Variants in EFTUD2 observed in about 807,000 individuals in gnomAD.
EFTUD2 encodes the protein 116 kDa U5 small nuclear ribonucleoprotein component.
Under a neutral mutation model 114.3 loss-of-function variants are expected in EFTUD2, and 9 were observed. That is an observed-to-expected ratio of 0.08 (90% CI 0.05 to 0.14). The LOEUF (loss-of-function observed/expected upper bound fraction) is 0.14, where lower values mean the gene tolerates loss of function less well. Among genes scored for constraint, EFTUD2 ranks in the 10% least tolerant of loss-of-function variants. EFTUD2 has a pLI of 1.00. For synonymous variants in EFTUD2, 449 were observed against 462.3 expected (o/e 0.97, Z 0.37); for missense variants, 765 against 1,241.2 (o/e 0.62, Z 5.76).
chr17:44,851,119 G>T lies in EFTUD2; in HGVS notation c.*155C>A. 1.5e-6 allele frequency: 1 copy of T among 661,536 alleles called. No individual in the cohort carries two copies. The highest frequency in any genetic ancestry group is 2.1e-5 in the Admixed American group (1 of 47,454). The allele number at this position is 661,536 out of a possible 1,614,324, so 41.0% of individuals were successfully genotyped here. A position where few individuals can be genotyped will look rare whatever the true frequency, so the allele number is the denominator to read the frequency against. On this transcript the variant is annotated 3_prime_UTR_variant, in exon 28 of 28. Coordinates refer to ENST00000426333, the MANE Select transcript of EFTUD2 (RefSeq NM_004247.4). ...GGCCAAATGCTCCTCTCTCACTGGG[G>T]CTCTGGGTTGGAGGTTGGTGAGTTG... is the stretch of plus-strand genomic sequence containing the variant.
At chr17:44,895,106 A>C (rs917088296) in intron 1 of EFTUD2, among the ~76,000 whole-genome samples, 2 of 151,606 alleles carry the variant, frequency 1.3e-5, no homozygotes, top group Non-Finnish European at 3.0e-5. Context: ...GCTTTTTCAC[A>C]TTTGTAAATT....
At chr17:44,851,962 G>T in intron 26 of EFTUD2, 145 bp from the exon 27 acceptor site, 1 of 768,284 alleles carries the variant, frequency 1.3e-6, no homozygotes, top group Non-Finnish European at 2.0e-6. Context: ...TTGTCTCCCA[G>T]GCTGGAGTAC....
chr17:44,858,581 C>T (rs1030664338), intron 19 of EFTUD2, among the ~76,000 whole-genome samples: 2 of 151,988 alleles, frequency 1.3e-5, no homozygotes, highest in Admixed American at 1.3e-4. Context: ...ACCTAAGCCC[C>T]CCAGTAGCTG....
Position 44,863,777 on chromosome 17 carries a change from C to T in EFTUD2, c.1291G>A (p.Val431Met). Residue 431 changes from valine (V) to methionine (M), a missense_variant, in exon 15 of 28, where the codon GTG becomes ATG. Around this residue, in one of 6 missense-constraint regions of EFTUD2, gnomAD observed 251 missense variants for 357.7 expected, o/e 0.70. Transcript: ENST00000426333. ...KKFFGEFTGF[V>M]DMCVQHIPSP... is the part of the protein sequence containing the mutation. The stretch of plus-strand genomic sequence containing the variant: ...GGGATATGCTGCACACACATGTCCA[C>T]AAAGCCTGTGGATGGAGAAGAGAAA... The T allele has an allele frequency of 6.2e-7, 1 of 1,613,950 alleles. No homozygotes were observed. The highest frequency in any genetic ancestry group is 8.5e-7 in the Non-Finnish European group (1 of 1,179,898).
chr17:44,886,667 C>A lies in EFTUD2; in HGVS notation c.189G>T (p.Lys63Asn), dbSNP rs746808128. ...CCTCCTCGGCTGTTGGGTAGTACTT[C>A]TTGTCCTCATGCAGCACCACCTCCA... is the stretch of plus-strand genomic sequence containing the variant. Reference protein sequence around the residue: ...PGMEVVLHEDKKYYPTAEEVY... With the variant: ...PGMEVVLHEDNKYYPTAEEVY... Residue 63 changes from lysine to asparagine, a missense_variant, in exon 3 of 28, where the codon AAG becomes AAT. Lys to Asn is a moderately conservative substitution (Grantham distance 94). Transcript: ENST00000426333. 1.9e-6 allele frequency: 3 copies of A among 1,614,188 alleles called. No individual in the cohort carries two copies. The Admixed American group carries it at 5.0e-5, about 27-fold the overall frequency.
At chr17:44,860,664 T>C (rs1315728919) in intron 16 of EFTUD2, 121 bp from the exon 17 acceptor site, 1 of 652,402 alleles carries the variant, frequency 1.5e-6, no homozygotes, top group East Asian at 2.8e-5. Context: ...AGTGGCACAA[T>C]CTTGGCTCAC....
chr17:44,894,547 GT>G (rs1436971803), intron 1 of EFTUD2, 22 bp from the exon 2 acceptor site: 1 of 1,579,284 alleles, frequency 6.3e-7, no homozygotes, highest in Non-Finnish European at 8.7e-7. Context: ...GGAGAGAAGA[GT>G]TAGATTCTGA....
intron 1 of EFTUD2, among the ~76,000 whole-genome samples, chr17:44,895,115 T>C (rs2051354134): frequency 6.7e-6 from 1 of 149,066 alleles, no homozygotes; most frequent in African/African-American, 2.4e-5. Flanking sequence ...CATTTGTAAA[T>C]TGCCAGGGAA....
chr17:44,896,907 A>G (rs1182264480), intron 1 of EFTUD2, among the ~76,000 whole-genome samples: 2 of 151,912 alleles, frequency 1.3e-5, no homozygotes, highest in African/African-American at 4.8e-5. Flanking sequence ...TAAATAAAAC[A>G]CCCTGTGTAA....
intron 13 of EFTUD2, 86 bp from the exon 14 acceptor site, chr17:44,865,151 C>G (rs1016699319): frequency 1.3e-6 from 2 of 1,542,518 alleles, no homozygotes; most frequent in Admixed American, 1.9e-5. Flanking sequence ...AAAGAAATAT[C>G]TGAAGAACTC....
intron 15 of EFTUD2, 182 bp downstream of exon 15, chr17:44,863,473 T>C (rs2050692964): frequency 4.1e-6 from 3 of 738,592 alleles, no homozygotes; most frequent in Non-Finnish European, 2.1e-6. Context: ...ATGTGAGTAA[T>C]GTTCCCAAGG....
intron 13 of EFTUD2, among the ~76,000 whole-genome samples, chr17:44,867,117 A>AT (rs2050760025): frequency 6.6e-6 from 1 of 152,112 alleles, no homozygotes; most frequent in African/African-American, 2.4e-5. Flanking sequence ...TAAAAATGCT[A>AT]TAATAAACAC....
rs776284894 is a variant in EFTUD2, at chr17:44,862,844, G to T, written c.1476C>A (p.Ala492=). 4 of 1,614,204 alleles carry T rather than the reference G, an allele frequency of 2.5e-6. No homozygotes were observed. In the Admixed American group the frequency reaches 5.0e-5, roughly 20 times the overall value. The change falls in exon 16 of 28, where the codon GCC becomes GCA. Residue 492 remains alanine (A), a synonymous_variant. Coordinates refer to ENST00000426333, the MANE Select transcript of EFTUD2 (RefSeq NM_004247.4). ...YSTDDGVQFH[A]FGRVLSGTIH... is the part of the protein sequence containing the mutation. The stretch of plus-strand genomic sequence containing the variant: ...TGGTGCCACTCAGCACCCGGCCAAA[G>T]GCGTGAAACTGGACTCCATCATCTG...
intron 6 of EFTUD2, 117 bp from the exon 7 acceptor site, chr17:44,881,839 A>T: frequency 1.1e-6 from 1 of 935,996 alleles, no homozygotes; most frequent in Non-Finnish European, 1.7e-6. Context: ...GATTAAAGAG[A>T]GAGAGAGAGC....
chr17:44,855,598 A>G (rs920114997), intron 20 of EFTUD2, among the ~76,000 whole-genome samples: 1 of 146,430 alleles, frequency 6.8e-6, no homozygotes, highest in African/African-American at 2.5e-5. Flanking sequence ...AAAACCCCAG[A>G]CAAACAAACA....
chr17:44,852,373 G>A, intron 26 of EFTUD2, 36 bp downstream of exon 26: 2 of 1,612,078 alleles, frequency 1.2e-6, no homozygotes, highest in South Asian at 1.1e-5. Context: ...TGCAGAGGTG[G>A]GAAGCCAAGT....
At chr17:44,884,316 C>T (rs1348893781) in intron 4 of EFTUD2, 1 of 152,172 alleles carries the variant, frequency 6.6e-6, no homozygotes, top group Non-Finnish European at 1.5e-5. Context: ...AGCCACCACA[C>T]CCAGCCAGGA....
At chr17:44,871,017 CA>C (rs200519792) in intron 11 of EFTUD2, among the ~76,000 whole-genome samples, 17 of 145,746 alleles carry the variant, frequency 1.2e-4, no homozygotes, top group Admixed American at 8.2e-4. Context: ...GATTATGTCT[CA>C]AAAAAAAAAG....
chr17:44,854,829 C>T lies in EFTUD2; in HGVS notation c.2132+89G>A. Reference sequence around the variant, plus strand: ...GCAAAGGCAAAGACATAAATGCTCCCCAGAAAGATGTGTGCTCTTAGAGAC... The same window carrying T: ...GCAAAGGCAAAGACATAAATGCTCCTCAGAAAGATGTGTGCTCTTAGAGAC... On this transcript the variant is annotated intron_variant, in intron 21 of 27. Coordinates refer to ENST00000426333, the MANE Select transcript of EFTUD2 (RefSeq NM_004247.4). The surrounding 1 kb of genome is among the most constrained non-coding windows in gnomAD (Gnocchi z 4.3). 2 of 1,563,796 alleles carry T rather than the reference C, an allele frequency of 1.3e-6. No individual in the cohort carries two copies. The highest frequency in any genetic ancestry group is 1.8e-6 in the Non-Finnish European group (2 of 1,136,242).
Sources: gnomAD v4.1 joint callset for allele counts (sites outside exome capture counted in the v4.1 genomes callset) on GRCh38, gnomAD v4.1.1 for gene constraint, gnomAD v4.1.1 regional missense constraint, Gnocchi (gnomAD v3.1) non-coding constraint, MANE v1.5 for transcripts, NCBI Gene and HGNC (gene_info 2026-07-23, HGNC 2026-07-21) for gene names.